Variants in DIPK1A observed in about 807,000 individuals in gnomAD.
The protein encoded by DIPK1A is family with sequence similarity 69 member A.
A neutral mutation model predicts 40.8 loss-of-function variants in DIPK1A; 27 were observed. That is an observed-to-expected ratio of 0.66 (90% CI 0.49 to 0.91). The LOEUF is 0.91. DIPK1A is among the 40% of genes least tolerant of loss of function. The pLI is 0.00. For missense variants in DIPK1A, 412 were observed against 505.7 expected (o/e 0.81, Z 1.78); for synonymous variants, 166 against 171.3 (o/e 0.97, Z 0.24).
intron 1 of DIPK1A, among the ~76,000 whole-genome samples, chr1:92,924,511 C>T (rs1453106375): frequency 6.6e-6 from 1 of 151,972 alleles, no homozygotes; most frequent in African/African-American, 2.4e-5. Context: ...AAAGACAAAA[C>T]AGTATATTTG....
Position 92,920,670 on chromosome 1 carries a change from G to A in DIPK1A, c.54+40706C>T, listed in dbSNP as rs145064130. Among the ~76,000 whole-genome samples the A allele has an allele frequency of 4.6e-5, 7 of 152,272 alleles. No homozygotes were observed. The East Asian group carries it at 1.3e-3, about 29-fold the overall frequency. ...AACAGATGTTTTAACATGGTTGATT[G>A]GTGAGTTAGTCCATGAAGCAGGGAA... On this transcript the variant is annotated intron_variant, in intron 1 of 4. Coordinates refer to ENST00000370310, the MANE Select transcript of DIPK1A (RefSeq NM_001006605.5).
chr1:92,838,362 C>T (rs1229227066), downstream of DIPK1A, among the ~76,000 whole-genome samples: 1 of 152,164 alleles, frequency 6.6e-6, no homozygotes, highest in Non-Finnish European at 1.5e-5. Context: ...TTACTTATGA[C>T]TTCATCCTGG....
chr1:92,912,795 G>C (rs1362161810), intron 1 of DIPK1A, among the ~76,000 whole-genome samples: 1 of 152,086 alleles, frequency 6.6e-6, no homozygotes, highest in Non-Finnish European at 1.5e-5. Flanking sequence ...ACAACATCAT[G>C]TATCTATATA....
chr1:92,835,533 G>A (rs764233296), intron 4 of DIPK1A, among the ~76,000 whole-genome samples: 4 of 151,676 alleles, frequency 2.6e-5, no homozygotes, highest in Non-Finnish European at 5.9e-5. Flanking sequence ...GATGGTGTGT[G>A]TCTGTAGTCC....
At chr1:92,940,639 A>G (rs968274724) in intron 1 of DIPK1A, among the ~76,000 whole-genome samples, 5 of 152,230 alleles carry the variant, frequency 3.3e-5, no homozygotes, top group African/African-American at 1.2e-4. Context: ...GATCCCACAA[A>G]TAATTTGAAA....
At chr1:92,953,606 A>C (rs1356948269) in intron 1 of DIPK1A, among the ~76,000 whole-genome samples, 2 of 152,246 alleles carry the variant, frequency 1.3e-5, no homozygotes, top group Non-Finnish European at 2.9e-5. Context: ...CATAATCTAC[A>C]TGGGTGACAT....
At chr1:92,888,740 T>C (rs1156623833) in intron 1 of DIPK1A, among the ~76,000 whole-genome samples, 1 of 152,222 alleles carries the variant, frequency 6.6e-6, no homozygotes, top group Non-Finnish European at 1.5e-5. Flanking sequence ...GGTTTAGATA[T>C]CTCATTGTGG....
At chr1:92,884,465 CA>C (rs112400053) in intron 1 of DIPK1A, among the ~76,000 whole-genome samples, 1 of 148,200 alleles carries the variant, frequency 6.7e-6, no homozygotes, top group African/African-American at 2.5e-5. Flanking sequence ...AACAAACAAA[CA>C]AAAAAAAACA....
downstream of DIPK1A, chr1:92,841,716 C>G: frequency 8.6e-7 from 1 of 1,165,436 alleles, no homozygotes; most frequent in Non-Finnish European, 1.2e-6. Flanking sequence ...ATTAAATATT[C>G]TATTCTCTTC....
intron 1 of DIPK1A, among the ~76,000 whole-genome samples, chr1:92,880,574 T>C (rs1467116167): frequency 2.0e-5 from 3 of 152,218 alleles, no homozygotes; most frequent in African/African-American, 7.2e-5. Flanking sequence ...AATTTAGCCA[T>C]TTAAGACTAC....
At chr1:92,842,099 C>T (rs969292322), downstream of DIPK1A, 2 of 821,466 alleles carry the variant, frequency 2.4e-6, no homozygotes, top group African/African-American at 3.6e-5. Context: ...GTCATTATCC[C>T]TTATGTTGTA....
In DIPK1A at chr1:92,846,833, A is replaced by ACACACACG. The variant is rs1557449864; in HGVS notation, c.474+349_474+350insCGTGTGTG. Among the ~76,000 whole-genome samples the ACACACACG allele has an allele frequency of 6.6e-4, 5 of 7,592 alleles. 1 individual carries two copies. Among genetic ancestry groups the ACACACACG allele is most frequent in the African/African-American group, 1.1e-3 (1 of 950 alleles). 5.0% of individuals were successfully genotyped at this position (7,592 alleles called of 152,430 possible). On this transcript the variant is annotated intron_variant, in intron 4 of 4. Transcript: ENST00000370310. The stretch of plus-strand genomic sequence containing the variant: ...TATATATATATATATATATATATAT[A>ACACACACG]TATATATATGTGTGTATATATATAT...
intron 1 of DIPK1A, among the ~76,000 whole-genome samples, chr1:92,886,243 G>A (rs1557469381): frequency 6.6e-6 from 1 of 152,054 alleles, no homozygotes; most frequent in Non-Finnish European, 1.5e-5. Flanking sequence ...GAGGCAGGAG[G>A]ATTGCTTGAG....
chr1:92,847,983 T>C (rs1012849175), intron 3 of DIPK1A, among the ~76,000 whole-genome samples: 6 of 152,200 alleles, frequency 3.9e-5, no homozygotes, highest in African/African-American at 1.2e-4. Flanking sequence ...GTGACCCACC[T>C]GCCTCAGCCT....
At chr1:92,905,417 T>C (rs1410831957) in intron 1 of DIPK1A, among the ~76,000 whole-genome samples, 1 of 152,168 alleles carries the variant, frequency 6.6e-6, no homozygotes. Context: ...CTGATTGCCA[T>C]TTGTATGTTT....
intron 1 of DIPK1A, among the ~76,000 whole-genome samples, chr1:92,910,431 A>G (rs1649786008): frequency 6.6e-6 from 1 of 152,128 alleles, no homozygotes; most frequent in Admixed American, 6.5e-5. Context: ...GGTTATTCAC[A>G]TTAAATTTAG....
chr1:92,835,882 G>A (rs1363267510), intron 4 of DIPK1A, among the ~76,000 whole-genome samples: 1 of 152,122 alleles, frequency 6.6e-6, no homozygotes, highest in African/African-American at 2.4e-5. Flanking sequence ...TTTAATGGAG[G>A]GAACATTGTA....
In DIPK1A at chr1:92,843,556, CTT is replaced by C. The variant is rs1358528204; in HGVS notation, c.1112_1113del (p.Lys371ArgfsTer10). On this transcript the variant is annotated frameshift_variant, in exon 5 of 5. Coordinates refer to ENST00000370310, the MANE Select transcript of DIPK1A (RefSeq NM_001006605.5). LOFTEE classifies it high-confidence loss of function. ...CTTGGAGCACCACGCAGTAGGTAGT[CTT>C]TGAGTAACTGACAAGCTTTTGCCAA... Reference protein sequence around the residue: ...PNLAKACQLLKDYLLRGAPSE... With the variant: ...PNLAKACQLLXDYLLRGAPSE... 1.3e-6 allele frequency: 2 copies of C among 1,552,080 alleles called. No homozygotes were observed. Among genetic ancestry groups the C allele is most frequent in the Non-Finnish European group, 1.7e-6 (2 of 1,147,072 alleles).
downstream of DIPK1A, among the ~76,000 whole-genome samples, chr1:92,838,341 A>G (rs1237450884): frequency 6.6e-6 from 1 of 152,192 alleles, no homozygotes; most frequent in Admixed American, 6.5e-5. Flanking sequence ...TTACTGCGTT[A>G]TATTTCTTTG....
Sources: gnomAD v4.1 joint callset for allele counts (sites outside exome capture counted in the v4.1 genomes callset) on GRCh38, gnomAD v4.1.1 for gene constraint, MANE v1.5 for transcripts, NCBI Gene and HGNC (gene_info 2026-07-23, HGNC 2026-07-21) for gene names.